DBT: variants seen among roughly 807,000 people sequenced by gnomAD.
DBT encodes the protein dihydrolipoamide branched chain transacylase E2, also known as lipoamide acyltransferase component of branched-chain alpha-keto acid dehydrogenase complex, mitochondrial.
DBT carries 40 observed loss-of-function variants against 51.3 expected under a neutral mutation model. The observed-to-expected ratio is 0.78, with a 90% CI of 0.61 to 1.02. The LOEUF (loss-of-function observed/expected upper bound fraction) is 1.02, where lower values mean the gene tolerates loss of function less well. Ranked by LOEUF, DBT falls within the 50% of genes least tolerant of loss-of-function variation. The pLI is 0.00. For synonymous variants in DBT, 181 were observed against 190.4 expected (o/e 0.95, Z 0.41); for missense variants, 510 against 580.2 (o/e 0.88, Z 1.24).
At chr1:100,211,670 T>C (rs1557946654) in intron 7 of DBT, among the ~76,000 whole-genome samples, 1 of 152,150 alleles carries the variant, frequency 6.6e-6, no homozygotes, top group Non-Finnish European at 1.5e-5. Flanking sequence ...TATAGAGACA[T>C]TTCATTTTCA....
At chr1:100,249,404 G>A (rs935614593) in intron 1 of DBT, 5 of 382,048 alleles carry the variant, frequency 1.3e-5, no homozygotes, top group Non-Finnish European at 2.5e-5. Context: ...CGTGTTACCA[G>A]TGTTTGGCAT....
At chr1:100,210,334 G>T (rs61065991) in intron 8 of DBT, among the ~76,000 whole-genome samples, 104,446 of 142,244 alleles carry the variant, frequency 0.73, 38,912 homozygotes, top group East Asian at 0.93. Flanking sequence ...ATAAGAAGAA[G>T]AAGAAGAAGA....
chr1:100,193,863 A>G lies in DBT; in HGVS notation c.*2392T>C, dbSNP rs1156741857. ...TGATCTACCTGCCTTGGCCTCCCAA[A>G]GTGGTAGGATTACAGGCGTGAGCCA... On this transcript the variant is annotated 3_prime_UTR_variant, in exon 11 of 11. Coordinates refer to ENST00000370132, the MANE Select transcript of DBT (RefSeq NM_001918.5). 6.6e-6 allele frequency: 1 copy of G among 152,232 alleles called. No homozygotes were observed. The highest frequency in any genetic ancestry group is 2.4e-5 in the African/African-American group (1 of 41,454). The allele number at this position is 152,232 out of a possible 1,614,324, so 9.4% of individuals were successfully genotyped here.
Position 100,193,519 on chromosome 1 carries a change from T to C in DBT, c.*2736A>G, listed in dbSNP as rs1474837956. 6.6e-6 allele frequency: 1 copy of C among 152,230 alleles called. No individual in the cohort carries two copies. The highest frequency in any genetic ancestry group is 1.5e-5 in the Non-Finnish European group (1 of 68,044). The allele number at this position is 152,230 out of a possible 1,614,324, so 9.4% of individuals were successfully genotyped here. Reference sequence around the variant, plus strand: ...AGGAAGCATGAAGGTGGCTACTGTATGCTTAGAACCATGATTGGTATGGTA... The same window carrying C: ...AGGAAGCATGAAGGTGGCTACTGTACGCTTAGAACCATGATTGGTATGGTA... On this transcript the variant is annotated 3_prime_UTR_variant, in exon 11 of 11. Coordinates refer to ENST00000370132, the MANE Select transcript of DBT (RefSeq NM_001918.5).
intron 7 of DBT, among the ~76,000 whole-genome samples, chr1:100,213,140 A>G (rs1426180183): frequency 6.6e-6 from 1 of 152,226 alleles, no homozygotes. Context: ...ATTTCCTTAA[A>G]TGGAAAGTGG....
At position 100,237,735 on chromosome 1, in the gene DBT, C is replaced by T. The variant is rs577619509; in HGVS notation, c.176-2224G>A. ...CATGATAACTTCAAGTTCCTGGGCT[C>T]AAGTGATCCTCCCACCTCAGCTAGG... On this transcript the variant is annotated intron_variant, in intron 2 of 10. Transcript: ENST00000370132. Among the ~76,000 whole-genome samples the T allele has an allele frequency of 3.3e-5, 5 of 152,170 alleles. No homozygotes were observed. In the South Asian group the frequency reaches 1.0e-3, roughly 32 times the overall value.
At chr1:100,230,666 T>C (rs1663499138) in intron 4 of DBT, 67 bp downstream of exon 4, 2 of 1,017,562 alleles carry the variant, frequency 2.0e-6, no homozygotes, top group Non-Finnish European at 1.5e-6. Context: ...TCACTTTTAA[T>C]TGGGACCCAA....
At chr1:100,217,091 A>T (rs1459976238) in intron 5 of DBT, among the ~76,000 whole-genome samples, 1 of 152,166 alleles carries the variant, frequency 6.6e-6, no homozygotes, top group Non-Finnish European at 1.5e-5. Flanking sequence ...AAACAAACTC[A>T]ATTCATAAAT....
chr1:100,221,087 T>C (rs1157450704), intron 4 of DBT, among the ~76,000 whole-genome samples: 3 of 152,190 alleles, frequency 2.0e-5, no homozygotes, highest in Non-Finnish European at 4.4e-5. Context: ...ACAAAAATTA[T>C]TACATTATTC....
intron 10 of DBT, among the ~76,000 whole-genome samples, chr1:100,202,300 T>C (rs1215400221): frequency 6.6e-6 from 1 of 151,270 alleles, no homozygotes; most frequent in African/African-American, 2.4e-5. Context: ...CCAACAAAGA[T>C]AAAAAAAAGA....
intron 7 of DBT, 91 bp from the exon 8 acceptor site, chr1:100,210,862 G>A: frequency 1.3e-6 from 2 of 1,579,196 alleles, no homozygotes; most frequent in Non-Finnish European, 1.7e-6. Flanking sequence ...AGGAGGGAGA[G>A]AGAGAACTCT....
At chr1:100,237,873 T>C (rs1663975721) in intron 2 of DBT, among the ~76,000 whole-genome samples, 1 of 152,102 alleles carries the variant, frequency 6.6e-6, no homozygotes, top group South Asian at 2.1e-4. Flanking sequence ...ACTCCTGGCC[T>C]CAAGCAAGCC....
At chr1:100,246,552 T>C (rs1183332723) in intron 1 of DBT, among the ~76,000 whole-genome samples, 22 of 152,338 alleles carry the variant, frequency 1.4e-4, no homozygotes, top group Admixed American at 1.4e-3. Context: ...ATGCATTATG[T>C]CCTAGGGAAA....
chr1:100,230,282 T>C (rs1328523834), intron 4 of DBT, among the ~76,000 whole-genome samples: 1 of 152,216 alleles, frequency 6.6e-6, no homozygotes, highest in Non-Finnish European at 1.5e-5. Context: ...GAGAACCTTT[T>C]CAATTTTCCT....
At chr1:100,232,258 T>A (rs1216204428) in intron 3 of DBT, among the ~76,000 whole-genome samples, 1 of 151,538 alleles carries the variant, frequency 6.6e-6, no homozygotes, top group Non-Finnish European at 1.5e-5. Flanking sequence ...GATGGGTTTA[T>A]GACTTATCCC....
chr1:100,209,322 A>G (rs1661992971), intron 8 of DBT, among the ~76,000 whole-genome samples: 1 of 151,788 alleles, frequency 6.6e-6, no homozygotes, highest in Admixed American at 6.6e-5. Context: ...CTGGTCTTGA[A>G]TTCCTAGGCT....
intron 1 of DBT, among the ~76,000 whole-genome samples, chr1:100,248,609 G>C (rs1282578346): frequency 6.6e-6 from 1 of 152,158 alleles, no homozygotes; most frequent in Non-Finnish European, 1.5e-5. Context: ...ATATTTAAAA[G>C]GCGGGAAGGG....
intron 1 of DBT, among the ~76,000 whole-genome samples, chr1:100,245,416 A>G (rs1439950115): frequency 6.6e-6 from 1 of 152,166 alleles, no homozygotes; most frequent in Non-Finnish European, 1.5e-5. Flanking sequence ...TGGAATTATC[A>G]GTTTTATATA....
At chr1:100,227,251 C>G (rs1663273562) in intron 4 of DBT, among the ~76,000 whole-genome samples, 1 of 152,158 alleles carries the variant, frequency 6.6e-6, no homozygotes, top group African/African-American at 2.4e-5. Flanking sequence ...CGACATATGA[C>G]CATACACTCA....
Sources: gnomAD v4.1 joint callset for allele counts (sites outside exome capture counted in the v4.1 genomes callset) on GRCh38, gnomAD v4.1.1 for gene constraint, MANE v1.5 for transcripts, NCBI Gene and HGNC (gene_info 2026-07-23, HGNC 2026-07-21) for gene names.